ZNF33A: variants seen among roughly 807,000 people sequenced by gnomAD.
The protein encoded by ZNF33A is brain my041 protein.
In ZNF33A, 9 loss-of-function variants were observed where a neutral mutation model predicts 15.9. The ratio of observed to expected loss-of-function variants is 0.57; its 90% confidence interval spans 0.34 to 0.99. The LOEUF (loss-of-function observed/expected upper bound fraction) is 0.99. ZNF33A is among the 50% of genes least tolerant of loss of function. ZNF33A has a pLI of 0.02. For missense variants in ZNF33A, 843 were observed against 941.6 expected (o/e 0.90, Z 1.37); for synonymous variants, 294 against 324.2 (o/e 0.91, Z 1.00).
chr10:38,042,554 A>G (rs1316794925), intron 4 of ZNF33A, among the ~76,000 whole-genome samples: 3 of 64,408 alleles, frequency 4.7e-5, no homozygotes, highest in Non-Finnish European at 1.1e-4. Context: ...CAATGTATTT[A>G]TTTATTTTTT....
In ZNF33A at chr10:38,057,044, C is replaced by A; in HGVS notation, c.*484C>A. 1.4e-6 allele frequency: 1 copy of A among 698,824 alleles called. No individual in the cohort carries two copies. Among genetic ancestry groups the A allele is most frequent in the Non-Finnish European group, 1.8e-6 (1 of 567,368 alleles). The allele number at this position is 698,824 out of a possible 1,614,324, so 43.3% of individuals were successfully genotyped here. A position where few individuals can be genotyped will look rare whatever the true frequency, so the allele number is the denominator to read the frequency against. On this transcript the variant is annotated 3_prime_UTR_variant, in exon 5 of 5. Coordinates refer to ENST00000432900, the MANE Select transcript of ZNF33A (RefSeq NM_006954.2). ...TATAATCATAGTATATGGTCAAGTC[C>A]AAGAAATCGATGTTACCTTGCTGGT...
chr10:38,055,899 A>G lies in ZNF33A; in HGVS notation c.1775A>G (p.Asn592Ser), dbSNP rs769484476. The G allele has an allele frequency of 1.2e-6, 2 of 1,614,056 alleles. No homozygotes were observed. The highest frequency in any genetic ancestry group is 1.1e-5 in the South Asian group (1 of 91,082). Residue 592 changes from asparagine to serine, a missense_variant, in exon 5 of 5, where the codon AAT becomes AGT. Physicochemically the swap from Asn to Ser is conservative, Grantham distance 46 (BLOSUM62 1). Coordinates refer to ENST00000432900, the MANE Select transcript of ZNF33A (RefSeq NM_006954.2). ...ECHECGKIFYNKSYLTKHNRT... is the reference protein window; with the variant it reads ...ECHECGKIFYSKSYLTKHNRT... ...CATGAATGTGGAAAAATCTTTTACAATAAATCATACCTAACTAAACATAAT... is the reference window on the plus strand; with the variant it reads ...CATGAATGTGGAAAAATCTTTTACAGTAAATCATACCTAACTAAACATAAT...
At chr10:38,025,166 G>T (rs2135588902) in intron 4 of ZNF33A, among the ~76,000 whole-genome samples, 1 of 152,300 alleles carries the variant, frequency 6.6e-6, no homozygotes, top group East Asian at 1.9e-4. Flanking sequence ...GTCTTGGAAT[G>T]TACTTCCCTT....
chr10:38,039,898 C>T (rs1445415546), intron 4 of ZNF33A, among the ~76,000 whole-genome samples: 1 of 151,210 alleles, frequency 6.6e-6, no homozygotes, highest in Admixed American at 6.6e-5. Context: ...TTCTGCTTTC[C>T]TGCCTTCTGC....
At chr10:38,050,598 G>A (rs1466598151) in intron 4 of ZNF33A, among the ~76,000 whole-genome samples, 2 of 152,322 alleles carry the variant, frequency 1.3e-5, no homozygotes, top group East Asian at 3.9e-4. Context: ...GGTCTGTGTA[G>A]TATGGCCTGG....
intron 2 of ZNF33A, chr10:38,016,134 T>A: frequency 1.6e-6 from 1 of 643,842 alleles, no homozygotes; most frequent in Non-Finnish European, 2.2e-6. Context: ...CCAGAATATG[T>A]ATTGCGATGA....
intron 4 of ZNF33A, among the ~76,000 whole-genome samples, chr10:38,053,282 G>T (rs180780770): frequency 6.6e-6 from 1 of 152,134 alleles, no homozygotes; most frequent in East Asian, 1.9e-4. Context: ...TTCTGGTTAG[G>T]TCTCACTCCT....
At chr10:38,062,513 G>T (rs1191250364), downstream of ZNF33A, among the ~76,000 whole-genome samples, 2 of 152,132 alleles carry the variant, frequency 1.3e-5, no homozygotes, top group Admixed American at 6.6e-5. Context: ...AGGGGAAACT[G>T]TGAGACTATT....
chr10:38,043,859 T>C (rs2065824810), intron 4 of ZNF33A: 2 of 137,076 alleles, frequency 1.5e-5, no homozygotes, highest in South Asian at 4.5e-4. Context: ...TTTTGGCCTC[T>C]TTTTTTTTTT....
downstream of ZNF33A, chr10:38,065,070 G>C (rs981407125): frequency 3.9e-5 from 6 of 152,448 alleles, no homozygotes; most frequent in Non-Finnish European, 5.8e-5. Context: ...GCAGTTTTTT[G>C]TTTGTTTATT....
intron 4 of ZNF33A, among the ~76,000 whole-genome samples, chr10:38,034,395 G>T (rs1176387588): frequency 6.6e-6 from 1 of 152,122 alleles, no homozygotes; most frequent in East Asian, 1.9e-4. Flanking sequence ...GAGGAGTCCT[G>T]GTGAGGTATA....
intron 4 of ZNF33A, among the ~76,000 whole-genome samples, chr10:38,042,503 C>CTT (rs34942508): frequency 0.32 from 43,085 of 135,304 alleles, 7,093 homozygotes; most frequent in East Asian, 0.39. Flanking sequence ...TTGCTTTATT[C>CTT]TTTTTTTTTT....
chr10:38,036,116 T>C (rs1048087978), intron 4 of ZNF33A, among the ~76,000 whole-genome samples: 2 of 152,196 alleles, frequency 1.3e-5, no homozygotes, highest in Non-Finnish European at 2.9e-5. Flanking sequence ...TTGGATGCTG[T>C]GACCACTCAA....
chr10:38,064,209 C>G (rs192517743), downstream of ZNF33A: 9 of 1,238,950 alleles, frequency 7.3e-6, no homozygotes, highest in Admixed American at 1.6e-4. Context: ...AACTACCTTC[C>G]CACAAGATGG....
intron 2 of ZNF33A, among the ~76,000 whole-genome samples, chr10:38,014,401 A>G (rs552966465): frequency 6.6e-6 from 1 of 152,194 alleles, no homozygotes; most frequent in African/African-American, 2.4e-5. Flanking sequence ...TATTACGTTT[A>G]TTTGTTGCTG....
At position 38,036,969 on chromosome 10, in the gene ZNF33A, A is replaced by G. The variant is rs1258373532; in HGVS notation, c.251-17406A>G. Among the ~76,000 whole-genome samples the G allele has an allele frequency of 2.0e-5, 3 of 152,252 alleles. No individual in the cohort carries two copies. In the East Asian group the frequency reaches 5.8e-4, roughly 29 times the overall value. Reference sequence around the variant, plus strand: ...TTGTTGAGATGTAAGAGTTTTTTCCATATTCTGTTTAGCAGTCCCTAATTA... The same window carrying G: ...TTGTTGAGATGTAAGAGTTTTTTCCGTATTCTGTTTAGCAGTCCCTAATTA... On this transcript the variant is annotated intron_variant, in intron 4 of 4. Transcript: ENST00000432900.
At chr10:38,036,803 T>C (rs998411396) in intron 4 of ZNF33A, among the ~76,000 whole-genome samples, 6 of 152,244 alleles carry the variant, frequency 3.9e-5, no homozygotes, top group African/African-American at 1.4e-4. Flanking sequence ...ACTTTCTTCG[T>C]ACAGGCATGA....
intron 4 of ZNF33A, among the ~76,000 whole-genome samples, chr10:38,018,695 A>C (rs1364912854): frequency 2.0e-5 from 3 of 152,146 alleles, no homozygotes; most frequent in Non-Finnish European, 4.4e-5. Context: ...GGAAGGCAGG[A>C]GGGAATGGGA....
Position 38,058,008 on chromosome 10 carries a change from A to G in ZNF33A, c.*1448A>G. 2.0e-6 allele frequency: 2 copies of G among 985,250 alleles called. No homozygotes were observed. Among genetic ancestry groups the G allele is most frequent in the South Asian group, 4.7e-5 (1 of 21,284 alleles). The allele number at this position is 985,250 out of a possible 1,614,324, so 61.0% of individuals were successfully genotyped here. On this transcript the variant is annotated 3_prime_UTR_variant, in exon 5 of 5. Coordinates refer to ENST00000432900, the MANE Select transcript of ZNF33A (RefSeq NM_006954.2). ...ATTGATAGTGTGAAGATTGTACACT[A>G]TATTACATGATCAGATCATACAAAT...
Sources: gnomAD v4.1 joint callset for allele counts (sites outside exome capture counted in the v4.1 genomes callset) on GRCh38, gnomAD v4.1.1 for gene constraint, MANE v1.5 for transcripts, NCBI Gene and HGNC (gene_info 2026-07-23, HGNC 2026-07-21) for gene names.